Variants in LRBA observed in about 807,000 individuals in gnomAD.
LRBA encodes the protein LPS responsive beige-like anchor protein.
A neutral mutation model predicts 330.0 loss-of-function variants in LRBA; 176 were observed. The ratio of observed to expected loss-of-function variants is 0.53; its 90% CI spans 0.47 to 0.60. The LOEUF (loss-of-function observed/expected upper bound fraction) is 0.60, where lower values mean the gene tolerates loss of function less well. Among genes scored for constraint, LRBA ranks in the 20% least tolerant of loss-of-function variants. The pLI is 0.00. For missense variants in LRBA, 3,259 were observed against 3,444.8 expected (o/e 0.95, Z 1.35); for synonymous variants, 1,230 against 1,193.0 (o/e 1.03, Z -0.64).
rs1771674549 is a variant in LRBA, at chr4:150,583,494, C to A, written c.6330+4554G>T. 1 of 1,613,976 alleles carries A rather than the reference C, an allele frequency of 6.2e-7. No homozygotes were observed. The highest frequency in any genetic ancestry group is 1.1e-5 in the South Asian group (1 of 91,092). On this transcript the variant is annotated intron_variant, in intron 40 of 56. Coordinates refer to ENST00000651943, the MANE Select transcript of LRBA (RefSeq NM_001364905.1). This position sits in a 1 kb window ranked among gnomAD's most constrained non-coding sequence, Gnocchi z 9.8. ...ATGTGGTCAAGATGATCGCGGACAC[C>A]AGCGAGGTCAAGTTGCGCATCAGGG...
At chr4:150,824,307 GTTTTTTATGGACTC>G (rs1241970182) in intron 30 of LRBA, among the ~76,000 whole-genome samples, 1 of 152,066 alleles carries the variant, frequency 6.6e-6, no homozygotes, top group Admixed American at 6.6e-5. Flanking sequence ...AGTTATAATA[GTTTTTTATGGACTC>G]TTTAGGTTTT....
At chr4:150,521,042 A>G (rs1362687571) in intron 40 of LRBA, among the ~76,000 whole-genome samples, 1 of 152,076 alleles carries the variant, frequency 6.6e-6, no homozygotes. Context: ...AAATTGTCCA[A>G]TTTATTATTT....
intron 37 of LRBA, among the ~76,000 whole-genome samples, chr4:150,608,947 A>G (rs1239276141): frequency 6.6e-6 from 1 of 152,176 alleles, no homozygotes; most frequent in African/African-American, 2.4e-5. Flanking sequence ...CATTCTTTTT[A>G]TTACTGAATG....
At chr4:150,314,485 T>C (rs570525950) in intron 51 of LRBA, among the ~76,000 whole-genome samples, 4 of 152,280 alleles carry the variant, frequency 2.6e-5, no homozygotes, top group East Asian at 3.9e-4. Flanking sequence ...TAGCTCTCCA[T>C]TGAAACAATG....
rs1385569775 is a variant in LRBA at position 150,928,819 on chromosome 4, T to C, written c.448+15A>G. ...TTATTTCTTTGCATATATTGTACTA[T>C]AGAAAAAATCATACCTGCTATCATA... On this transcript the variant is annotated intron_variant, in intron 3 of 56. Transcript: ENST00000651943. 13 of 1,583,006 alleles carry C rather than the reference T, an allele frequency of 8.2e-6. No individual in the cohort carries two copies. Among genetic ancestry groups the C allele is most frequent in the Admixed American group, 3.3e-5 (2 of 59,810 alleles).
chr4:150,950,138 A>G (rs970303165), intron 2 of LRBA, among the ~76,000 whole-genome samples: 2 of 152,170 alleles, frequency 1.3e-5, no homozygotes, highest in Non-Finnish European at 1.5e-5. Flanking sequence ...ATTTATCTAC[A>G]GTAAATTCTG....
chr4:150,883,686 C>T (rs1273005842), intron 17 of LRBA, among the ~76,000 whole-genome samples: 35 of 152,156 alleles, frequency 2.3e-4, no homozygotes, highest in Admixed American at 2.3e-3. Flanking sequence ...TTGAAGGGAA[C>T]TATCCATCAT....
intron 17 of LRBA, among the ~76,000 whole-genome samples, chr4:150,875,048 G>C (rs1294088528): frequency 6.6e-6 from 1 of 151,990 alleles, no homozygotes; most frequent in Non-Finnish European, 1.5e-5. Flanking sequence ...CTTGGTGCAA[G>C]GGGGAACCTC....
intron 47 of LRBA, among the ~76,000 whole-genome samples, chr4:150,408,465 G>A (rs1227607361): frequency 6.6e-6 from 1 of 152,080 alleles, no homozygotes; most frequent in Non-Finnish European, 1.5e-5. Flanking sequence ...AACATTTAAA[G>A]AAGAAATAAT....
At chr4:150,307,818 C>T (rs1052768973) in intron 52 of LRBA, among the ~76,000 whole-genome samples, 41 of 152,110 alleles carry the variant, frequency 2.7e-4, no homozygotes, top group African/African-American at 9.7e-4. Context: ...TAGTAATCCA[C>T]CCCATAGACT....
chr4:150,508,142 G>T (rs762936436), intron 40 of LRBA, among the ~76,000 whole-genome samples: 3 of 144,278 alleles, frequency 2.1e-5, no homozygotes, highest in Non-Finnish European at 4.5e-5. Context: ...CGAGTTAATG[G>T]GTACAGCACA....
chr4:150,741,473 A>T (rs967965020), intron 35 of LRBA, among the ~76,000 whole-genome samples: 1 of 152,150 alleles, frequency 6.6e-6, no homozygotes, highest in Non-Finnish European at 1.5e-5. Context: ...ACTCCACAGA[A>T]TGGCTATATA....
At chr4:150,699,255 C>T (rs960966562) in intron 36 of LRBA, among the ~76,000 whole-genome samples, 10 of 151,928 alleles carry the variant, frequency 6.6e-5, no homozygotes, top group African/African-American at 2.2e-4. Flanking sequence ...GAGACAGAGT[C>T]AAGAAAAACT....
At chr4:150,885,957 C>T (rs1728901349) in intron 17 of LRBA, among the ~76,000 whole-genome samples, 2 of 151,826 alleles carry the variant, frequency 1.3e-5, no homozygotes, top group South Asian at 4.2e-4. Flanking sequence ...ATAAAGCCCA[C>T]CAAGATGAAA....
intron 2 of LRBA, among the ~76,000 whole-genome samples, chr4:150,934,380 C>CTGTGTTTTG (rs1734842883): frequency 6.6e-6 from 1 of 152,158 alleles, no homozygotes; most frequent in East Asian, 1.9e-4. Context: ...TACAACACAT[C>CTGTGTTTTG]TGCAGAAAAC....
intron 47 of LRBA, among the ~76,000 whole-genome samples, chr4:150,405,606 A>G (rs569600163): frequency 6.6e-6 from 1 of 152,124 alleles, no homozygotes; most frequent in South Asian, 2.1e-4. Context: ...ATATAACACA[A>G]CATTTATAAC....
At chr4:150,576,187 G>A (rs187377041) in intron 40 of LRBA, among the ~76,000 whole-genome samples, 1 of 150,330 alleles carries the variant, frequency 6.7e-6, no homozygotes, top group Admixed American at 6.6e-5. Flanking sequence ...AGGAGGAGGG[G>A]AGAGGAAAAG....
chr4:150,706,747 A>G (rs1293944979), intron 36 of LRBA, among the ~76,000 whole-genome samples: 1 of 151,792 alleles, frequency 6.6e-6, no homozygotes, highest in African/African-American at 2.4e-5. Flanking sequence ...AACAAAATCA[A>G]TAAGAAAAGA....
chr4:150,945,934 G>C (rs1316605106), intron 2 of LRBA, among the ~76,000 whole-genome samples: 1 of 151,958 alleles, frequency 6.6e-6, no homozygotes, highest in East Asian at 1.9e-4. Flanking sequence ...CAAGTAGCTG[G>C]GACTACAGGT....
Sources: allele counts gnomAD v4.1 joint callset (sites outside exome capture counted in the v4.1 genomes callset), GRCh38; gene constraint gnomAD v4.1.1; non-coding constraint Gnocchi (gnomAD v3.1); transcripts MANE v1.5; gene names NCBI Gene and HGNC (gene_info 2026-07-23, HGNC 2026-07-21).